SNTG1: variants seen among roughly 807,000 people sequenced by gnomAD.
The protein encoded by SNTG1 is gamma-1-syntrophin.
Under a neutral mutation model 74.7 loss-of-function variants are expected in SNTG1, and 39 were observed. That is an observed-to-expected ratio of 0.52 (90% confidence interval 0.40 to 0.68). The LOEUF (loss-of-function observed/expected upper bound fraction) is 0.68. Ranked by LOEUF, SNTG1 falls within the 30% of genes least tolerant of loss-of-function variation. The pLI, the probability that SNTG1 is intolerant of heterozygous loss-of-function variation, is 0.00. For synonymous variants in SNTG1, 254 were observed against 217.1 expected (o/e 1.17, Z -1.49); for missense variants, 685 against 609.5 (o/e 1.12, Z -1.30).
At chr8:50,499,496 C>T (rs1364843501) in intron 8 of SNTG1, among the ~76,000 whole-genome samples, 1 of 148,258 alleles carries the variant, frequency 6.7e-6, no homozygotes, top group Non-Finnish European at 1.5e-5. Flanking sequence ...GGCTTTTATT[C>T]CTTCTTTCCA....
chr8:50,467,612 G>A (rs1295900270), intron 8 of SNTG1, among the ~76,000 whole-genome samples: 1 of 151,380 alleles, frequency 6.6e-6, no homozygotes, highest in East Asian at 1.9e-4. Context: ...TTTTTTCCCT[G>A]TTGTTTTTTG....
chr8:50,277,319 A>G (rs1209583479), intron 2 of SNTG1, among the ~76,000 whole-genome samples: 1 of 151,976 alleles, frequency 6.6e-6, no homozygotes, highest in African/African-American at 2.4e-5. Flanking sequence ...TAAACTGGAA[A>G]CACATTATAA....
At chr8:49,984,285 A>C (rs183216748) in intron 1 of SNTG1, among the ~76,000 whole-genome samples, 245 of 151,870 alleles carry the variant, frequency 1.6e-3, no homozygotes, top group Non-Finnish European at 3.0e-3. Flanking sequence ...GGCTCACTGC[A>C]TCTTCCGCCT....
At chr8:50,189,333 A>C (rs772241832) in intron 2 of SNTG1, among the ~76,000 whole-genome samples, 2 of 152,034 alleles carry the variant, frequency 1.3e-5, no homozygotes, top group Non-Finnish European at 2.9e-5. Flanking sequence ...AAAAGTGAGC[A>C]TACAATGGAA....
At chr8:49,975,976 A>T (rs1812157290) in intron 1 of SNTG1, among the ~76,000 whole-genome samples, 1 of 152,202 alleles carries the variant, frequency 6.6e-6, no homozygotes, top group South Asian at 2.1e-4. Context: ...AGCTAGTTTT[A>T]CAAACTACAT....
chr8:50,002,488 A>G (rs2130463327), intron 1 of SNTG1, among the ~76,000 whole-genome samples: 1 of 152,302 alleles, frequency 6.6e-6, no homozygotes, highest in African/African-American at 2.4e-5. Context: ...ACAGTCATTT[A>G]AGGTCAACAA....
intron 18 of SNTG1, among the ~76,000 whole-genome samples, chr8:50,756,035 T>C (rs2095579590): frequency 6.6e-6 from 1 of 151,800 alleles, no homozygotes; most frequent in South Asian, 2.1e-4. Context: ...ATACGCTAAT[T>C]TTCATCTGTA....
rs139773362 is a variant in SNTG1 at position 50,602,081 on chromosome 8, T to C, written c.849+11164T>C. ...TTTTTTAATCCATTCTGCCACTCTA[T>C]GTCTTTTGATTGAGAGGTTAGTCTA... On this transcript the variant is annotated intron_variant, in intron 13 of 18. Coordinates refer to ENST00000642720, the MANE Select transcript of SNTG1 (RefSeq NM_018967.5). Among the ~76,000 whole-genome samples the C allele has an allele frequency of 5.7e-3, 871 of 152,182 alleles. 1 individual carries two copies. The highest frequency in any genetic ancestry group is 0.034 in the Middle Eastern group (10 of 294).
chr8:49,941,130 G>C (rs1808646383), intron 1 of SNTG1, among the ~76,000 whole-genome samples: 3 of 152,070 alleles, frequency 2.0e-5, no homozygotes, highest in Non-Finnish European at 4.4e-5. Flanking sequence ...CTGCATTCAA[G>C]CTCTGACAAC....
chr8:50,680,547 G>A (rs2095326945), intron 15 of SNTG1, among the ~76,000 whole-genome samples: 2 of 152,064 alleles, frequency 1.3e-5, no homozygotes, highest in African/African-American at 4.8e-5. Context: ...GCTTGGAGAG[G>A]TTTTAAGCTT....
intron 2 of SNTG1, among the ~76,000 whole-genome samples, chr8:50,303,716 A>G (rs913368257): frequency 1.3e-5 from 2 of 152,020 alleles, no homozygotes; most frequent in Non-Finnish European, 2.9e-5. Flanking sequence ...AACGATTTGT[A>G]TGTCTTAATG....
chr8:50,721,677 A>T (rs1446195304), intron 17 of SNTG1, among the ~76,000 whole-genome samples: 1 of 152,224 alleles, frequency 6.6e-6, no homozygotes. Context: ...AAGAAGAAAT[A>T]TATGTGGAAA....
At chr8:50,482,744 G>A (rs2093751678) in intron 8 of SNTG1, among the ~76,000 whole-genome samples, 1 of 152,180 alleles carries the variant, frequency 6.6e-6, no homozygotes, top group South Asian at 2.1e-4. Flanking sequence ...TATGAAACAT[G>A]AGGGGGCTAA....
intron 18 of SNTG1, among the ~76,000 whole-genome samples, chr8:50,785,659 C>G (rs958319366): frequency 1.3e-5 from 2 of 152,038 alleles, no homozygotes; most frequent in Non-Finnish European, 2.9e-5. Flanking sequence ...AAACACTCCT[C>G]TACTTATTTG....
chr8:50,782,736 C>T (rs563094442), intron 18 of SNTG1, among the ~76,000 whole-genome samples: 28 of 152,250 alleles, frequency 1.8e-4, no homozygotes, highest in African/African-American at 4.1e-4. Context: ...AGCTTTGTTC[C>T]GTTGCTGGTG....
At chr8:50,603,693 C>G (rs891411220) in intron 13 of SNTG1, among the ~76,000 whole-genome samples, 2 of 152,112 alleles carry the variant, frequency 1.3e-5, no homozygotes, top group Non-Finnish European at 2.9e-5. Flanking sequence ...ACTTGGACCC[C>G]AAGACCAATA....
chr8:50,565,161 A>C (rs1049831252), intron 12 of SNTG1, among the ~76,000 whole-genome samples: 1 of 152,024 alleles, frequency 6.6e-6, no homozygotes, highest in East Asian at 1.9e-4. Context: ...AGCACTCCTC[A>C]AGACTGACAA....
At chr8:50,497,299 A>ACCCATATTTACATATT (rs1031474189) in intron 8 of SNTG1, among the ~76,000 whole-genome samples, 1 of 152,006 alleles carries the variant, frequency 6.6e-6, no homozygotes, top group Non-Finnish European at 1.5e-5. Flanking sequence ...CCATATCTAT[A>ACCCATATTTACATATT]CCCATATTTA....
intron 18 of SNTG1, among the ~76,000 whole-genome samples, chr8:50,754,572 T>A (rs1204574027): frequency 3.3e-5 from 5 of 151,936 alleles, no homozygotes; most frequent in Non-Finnish European, 7.4e-5. Context: ...TTTGGTGCCT[T>A]GTCTCTGTTT....
Sources: allele counts gnomAD v4.1 joint callset (sites outside exome capture counted in the v4.1 genomes callset), GRCh38; gene constraint gnomAD v4.1.1; transcripts MANE v1.5; gene names NCBI Gene and HGNC (gene_info 2026-07-23, HGNC 2026-07-21).